Variants in JCAD observed in about 807,000 individuals in gnomAD.
JCAD encodes junctional cadherin 5 associated.
In JCAD, 40 loss-of-function variants were observed where a neutral mutation model predicts 98.0. The observed-to-expected ratio is 0.41, with a 90% CI of 0.32 to 0.53. The LOEUF is 0.53. JCAD is among the 20% of genes least tolerant of loss of function. JCAD has a pLI of 0.31. For synonymous variants in JCAD, 691 were observed against 682.3 expected (o/e 1.01, Z -0.20); for missense variants, 1,705 against 1,738.1 (o/e 0.98, Z 0.34).
chr10:30,013,724 G>A lies in JCAD; in HGVS notation c.*4159C>T, dbSNP rs1175616601. 6.6e-6 allele frequency: 1 copy of A among 152,216 alleles called. No individual in the cohort carries two copies. Among genetic ancestry groups the A allele is most frequent in the East Asian group, 1.9e-4 (1 of 5,188 alleles). 9.4% of individuals were successfully genotyped at this position (152,216 alleles called of 1,614,324 possible). The stretch of plus-strand genomic sequence containing the variant: ...TTCCTCCTAACCCCTATCAAAGCAT[G>A]GGGATGAACGGCCAGACAATCTGGG... On this transcript the variant is annotated 3_prime_UTR_variant, in exon 4 of 4. Transcript: ENST00000375377.
intron 2 of JCAD, 130 bp downstream of exon 2, chr10:30,047,402 T>G: frequency 1.9e-5 from 21 of 1,110,544 alleles, no homozygotes; most frequent in South Asian, 6.4e-5. Flanking sequence ...AAAAAAAGTG[T>G]TCTTGTGTCT....
upstream of JCAD, among the ~76,000 whole-genome samples, chr10:30,063,813 CT>C (rs939220726): frequency 8.6e-4 from 126 of 146,306 alleles, no homozygotes; most frequent in African/African-American, 8.2e-4. Context: ...GAGATGGGAT[CT>C]TTTTTTTTTT....
intron 1 of JCAD, among the ~76,000 whole-genome samples, chr10:30,073,677 CCTTG>C (rs1398628675): frequency 3.9e-3 from 153 of 38,750 alleles, no homozygotes; most frequent in Admixed American, 8.8e-3. Flanking sequence ...TTCCTTCCTT[CCTTG>C]CTTCCTTCCT....
chr10:30,017,217 T>G lies in JCAD; in HGVS notation c.*666A>C, dbSNP rs1836552501. On this transcript the variant is annotated 3_prime_UTR_variant, in exon 4 of 4. Coordinates refer to ENST00000375377, the MANE Select transcript of JCAD (RefSeq NM_020848.4). Reference sequence around the variant, plus strand: ...CAGACAATGGCGTGTTTGCAAATGATCAAAATATTTCACTGCCAGATAAAT... The same window carrying G: ...CAGACAATGGCGTGTTTGCAAATGAGCAAAATATTTCACTGCCAGATAAAT... 1 of 152,248 alleles carries G rather than the reference T, an allele frequency of 6.6e-6. No homozygotes were observed. Among genetic ancestry groups the G allele is most frequent in the Non-Finnish European group, 1.5e-5 (1 of 68,058 alleles). The allele number at this position is 152,248 out of a possible 1,614,324, so 9.4% of individuals were successfully genotyped here. A position where few individuals can be genotyped will look rare whatever the true frequency, so the allele number is the denominator to read the frequency against.
chr10:30,026,501 A>G lies in JCAD; in HGVS notation c.3647T>C (p.Leu1216Ser). Residue 1216 changes from leucine to serine, a missense_variant, in exon 3 of 4, where the codon TTA becomes TCA. Physicochemically the swap from Leu to Ser is moderately radical, Grantham distance 145. Transcript: ENST00000375377. ...TGGGGTTCTTTCTACAAAATGGAAT[A>G]AAGTGGACCTGAAGGGTGGTTTTGT... ...VETKPPFRST[L>S]FHFVERTPSV... 6.2e-7 allele frequency: 1 copy of G among 1,614,266 alleles called. No homozygotes were observed. The highest frequency in any genetic ancestry group is 1.3e-5 in the African/African-American group (1 of 75,078).
chr10:30,076,200 T>C (rs1564464320), intron 1 of JCAD, among the ~76,000 whole-genome samples: 1 of 152,126 alleles, frequency 6.6e-6, no homozygotes, highest in African/African-American at 2.4e-5. Flanking sequence ...AATTTTTTTG[T>C]ATTTTTAGTA....
At chr10:30,068,001 A>T (rs140707745) in intron 2 of JCAD, among the ~76,000 whole-genome samples, 262 of 152,336 alleles carry the variant, frequency 1.7e-3, no homozygotes, top group African/African-American at 6.0e-3. Flanking sequence ...GTAAAAATAC[A>T]GTATTATAAT....
intron 1 of JCAD, among the ~76,000 whole-genome samples, chr10:30,057,531 A>T (rs1374587572): frequency 6.6e-6 from 1 of 152,168 alleles, no homozygotes; most frequent in Non-Finnish European, 1.5e-5. Context: ...TTGTCAAGTC[A>T]TCCAGAGCAT....
upstream of JCAD, among the ~76,000 whole-genome samples, chr10:30,064,073 G>A (rs1037872846): frequency 6.6e-6 from 1 of 152,046 alleles, no homozygotes; most frequent in Non-Finnish European, 1.5e-5. Flanking sequence ...CCAAAGTGGT[G>A]GGATTACAGG....
chr10:30,031,793 C>T (rs1459683065), intron 2 of JCAD, among the ~76,000 whole-genome samples: 22 of 112,296 alleles, frequency 2.0e-4, no homozygotes, highest in African/African-American at 7.9e-4. Flanking sequence ...CTTGCTCTGT[C>T]GCCCAGGCTG....
intron 1 of JCAD, among the ~76,000 whole-genome samples, chr10:30,108,237 GGGAGGT>G (rs757680392): frequency 2.4e-4 from 37 of 152,072 alleles, no homozygotes; most frequent in Middle Eastern, 3.4e-3. Flanking sequence ...ACTTGAACCT[GGGAGGT>G]GGAGGTTGCA....
At chr10:30,091,336 C>T (rs1033216942) in intron 1 of JCAD, among the ~76,000 whole-genome samples, 14 of 152,224 alleles carry the variant, frequency 9.2e-5, no homozygotes, top group African/African-American at 3.1e-4. Context: ...TCAGATTTTT[C>T]TTGGAGGGGC....
rs367719633 is a variant in JCAD, at chr10:30,027,094, G to A, written c.3054C>T (p.Val1018=). 4.3e-6 allele frequency: 7 copies of A among 1,614,198 alleles called. No homozygotes were observed. Among genetic ancestry groups the A allele is most frequent in the Middle Eastern group, 3.3e-4 (2 of 6,062 alleles). The change falls in exon 3 of 4, where the codon GTC becomes GTT. Residue 1018 remains valine (V), a synonymous_variant. Coordinates refer to ENST00000375377, the MANE Select transcript of JCAD (RefSeq NM_020848.4). ...CTCCACCACTGTCAAACTTCCGAGG[G>A]ACCGCTTCACTTGGTTTCACAGAGC... ...AFSSVKPSEA[V]PRKFDSGGER... is the part of the protein sequence containing the mutation.
intron 1 of JCAD, among the ~76,000 whole-genome samples, chr10:30,095,507 C>T (rs1454222966): frequency 3.3e-5 from 5 of 152,250 alleles, no homozygotes; most frequent in Non-Finnish European, 7.3e-5. Context: ...TATCCCATTG[C>T]TGAGCTTGCC....
chr10:30,102,312 TG>T (rs1402107333), intron 1 of JCAD, among the ~76,000 whole-genome samples: 4 of 152,066 alleles, frequency 2.6e-5, no homozygotes, highest in Non-Finnish European at 5.9e-5. Flanking sequence ...GGGATCACAG[TG>T]GGTGCTTACC....
intron 1 of JCAD, among the ~76,000 whole-genome samples, chr10:30,092,559 A>G (rs1838302665): frequency 6.6e-6 from 1 of 152,158 alleles, no homozygotes; most frequent in African/African-American, 2.4e-5. Context: ...CACGGAGCAC[A>G]AGCCCAGCGT....
chr10:30,031,518 T>C (rs1037264227), intron 2 of JCAD, among the ~76,000 whole-genome samples: 1 of 150,234 alleles, frequency 6.7e-6, no homozygotes, highest in African/African-American at 2.5e-5. Flanking sequence ...CTCGGCTCAT[T>C]GCCACCTCCG....
At chr10:30,107,071 A>G (rs961272256) in intron 1 of JCAD, among the ~76,000 whole-genome samples, 1 of 151,574 alleles carries the variant, frequency 6.6e-6, no homozygotes, top group African/African-American at 2.4e-5. Context: ...ATCCCTCCCC[A>G]TGGGACTGTT....
chr10:30,052,813 A>C (rs969835383), intron 1 of JCAD, among the ~76,000 whole-genome samples: 1 of 152,190 alleles, frequency 6.6e-6, no homozygotes, highest in Non-Finnish European at 1.5e-5. Context: ...TCTCATCACT[A>C]AAGGTTAGGA....
Sources: gnomAD v4.1 joint callset for allele counts (sites outside exome capture counted in the v4.1 genomes callset) on GRCh38, gnomAD v4.1.1 for gene constraint, MANE v1.5 for transcripts, NCBI Gene and HGNC (gene_info 2026-07-23, HGNC 2026-07-21) for gene names.